GRID1: variants seen among roughly 807,000 people sequenced by gnomAD.
GRID1 encodes glutamate ionotropic receptor delta type subunit 1, also known as glutamate receptor ionotropic, delta-1.
In GRID1, 28 loss-of-function variants were observed where a neutral mutation model predicts 98.0. The ratio of observed to expected loss-of-function variants is 0.29; its 90% CI spans 0.21 to 0.39. The LOEUF (loss-of-function observed/expected upper bound fraction) is 0.39. GRID1 is among the 10% of genes least tolerant of loss of function. The probability of loss-of-function intolerance (pLI) is 1.00; values close to 1 mark genes in which losing one functional copy is unlikely to be tolerated. For synonymous variants in GRID1, 553 were observed against 538.5 expected, an observed-to-expected ratio of 1.03 and a Z score of -0.37; for missense variants, 1,111 against 1,340.5, an observed-to-expected ratio of 0.83 and a Z score of 2.67.
chr10:86,320,559 G>T (rs746038), intron 2 of GRID1, among the ~76,000 whole-genome samples: 25,669 of 152,082 alleles, frequency 0.17, 2,263 homozygotes, highest in South Asian at 0.24. Flanking sequence ...ACTGTTTAAG[G>T]GCTATAGTAT....
chr10:85,657,582 T>G (rs1368778777), intron 12 of GRID1, among the ~76,000 whole-genome samples: 3 of 152,230 alleles, frequency 2.0e-5, no homozygotes, highest in African/African-American at 7.2e-5. Context: ...GGTTGACTAG[T>G]CTCCCTTCAG....
At chr10:86,042,263 C>G (rs1368151210) in intron 4 of GRID1, among the ~76,000 whole-genome samples, 1 of 152,222 alleles carries the variant, frequency 6.6e-6, no homozygotes, top group Non-Finnish European at 1.5e-5. Context: ...TGGGGTCTCT[C>G]CTCAGCTGAG....
At chr10:85,832,590 A>G (rs1263252239) in intron 8 of GRID1, among the ~76,000 whole-genome samples, 1 of 152,186 alleles carries the variant, frequency 6.6e-6, no homozygotes, top group Admixed American at 6.5e-5. Flanking sequence ...TGCTATGTAC[A>G]ACTACAAACA....
chr10:86,156,598 A>G (rs35174968), intron 3 of GRID1, among the ~76,000 whole-genome samples: 26,392 of 152,192 alleles, frequency 0.17, 3,472 homozygotes, highest in African/African-American at 0.36. Context: ...TGGCCCTGGC[A>G]CTTTAACTAA....
intron 4 of GRID1, among the ~76,000 whole-genome samples, chr10:86,018,135 G>C (rs1409009901): frequency 6.6e-6 from 1 of 152,202 alleles, no homozygotes; most frequent in East Asian, 1.9e-4. Flanking sequence ...CATCCAACAG[G>C]GCAGTCTGCT....
chr10:85,770,985 C>T (rs1446844939), intron 8 of GRID1, among the ~76,000 whole-genome samples: 1 of 152,188 alleles, frequency 6.6e-6, no homozygotes, highest in African/African-American at 2.4e-5. Flanking sequence ...CACAAAGATA[C>T]TCCTCGAGAA....
rs138446480 is a variant in GRID1 at position 86,161,877 on chromosome 10, T to C, written c.521-22853A>G. Among the ~76,000 whole-genome samples, 351 of 152,188 alleles carry C rather than the reference T, an allele frequency of 2.3e-3. 2 individuals are homozygous for C. The highest frequency in any genetic ancestry group is 7.9e-3 in the African/African-American group (328 of 41,532). ...AAACCAAGAGGAAATCAAACAAAAA[T>C]TACATCCAGCTTCTCCCTGCTAAAA... On this transcript the variant is annotated intron_variant, in intron 3 of 15. Transcript: ENST00000327946.
intron 4 of GRID1, among the ~76,000 whole-genome samples, chr10:86,086,139 T>G (rs762030586): frequency 2.6e-5 from 4 of 152,086 alleles, no homozygotes; most frequent in Non-Finnish European, 4.4e-5. Context: ...CCTGACCACC[T>G]AGCTATTCTC....
At chr10:85,918,817 G>A (rs541903579) in intron 4 of GRID1, among the ~76,000 whole-genome samples, 1 of 152,340 alleles carries the variant, frequency 6.6e-6, no homozygotes, top group Admixed American at 6.5e-5. Context: ...AGCAGAAGGT[G>A]AGCAGTGCTC....
At chr10:86,222,891 G>A (rs947524341) in intron 2 of GRID1, among the ~76,000 whole-genome samples, 1 of 152,112 alleles carries the variant, frequency 6.6e-6, no homozygotes, top group Non-Finnish European at 1.5e-5. Context: ...GGAGTGTCAG[G>A]TGCACACCCA....
intron 3 of GRID1, among the ~76,000 whole-genome samples, chr10:86,204,096 TG>T (rs1845991547): frequency 6.6e-6 from 1 of 152,152 alleles, no homozygotes; most frequent in African/African-American, 2.4e-5. Context: ...TTGGAGATTC[TG>T]GGTGGAGGAA....
intron 4 of GRID1, among the ~76,000 whole-genome samples, chr10:86,087,342 TG>T (rs1203112260): frequency 1.7e-4 from 10 of 58,272 alleles, no homozygotes; most frequent in African/African-American, 1.6e-3. Context: ...TGAGTGTGTT[TG>T]TGTGTGTGTG....
chr10:85,702,313 G>T (rs1454129029), intron 12 of GRID1, among the ~76,000 whole-genome samples: 1 of 151,862 alleles, frequency 6.6e-6, no homozygotes, highest in African/African-American at 2.4e-5. Flanking sequence ...ATTGCTAAAA[G>T]GCATGTGAAA....
At chr10:86,197,207 T>C (rs1483384809) in intron 3 of GRID1, among the ~76,000 whole-genome samples, 2 of 151,634 alleles carry the variant, frequency 1.3e-5, no homozygotes, top group African/African-American at 4.8e-5. Flanking sequence ...ACGGGACAGA[T>C]GGAATTGAAG....
chr10:85,690,908 T>C (rs1841324166), intron 12 of GRID1, among the ~76,000 whole-genome samples: 1 of 152,084 alleles, frequency 6.6e-6, no homozygotes, highest in Non-Finnish European at 1.5e-5. Flanking sequence ...TCCAGAGTCT[T>C]GGAATAGTTT....
chr10:85,724,343 G>A lies in GRID1; in HGVS notation c.1858+9C>T. 6.2e-7 allele frequency: 1 copy of A among 1,604,944 alleles called. No homozygotes were observed. The highest frequency in any genetic ancestry group is 8.5e-7 in the Non-Finnish European group (1 of 1,172,722). On this transcript the variant is annotated intron_variant, in intron 11 of 15. Coordinates refer to ENST00000327946, the MANE Select transcript of GRID1 (RefSeq NM_017551.3). ...GAGCTATTCAATGATCAGGAAACCA[G>A]AAAGGTACCTTGCTGTACGAAGGCT...
intron 13 of GRID1, among the ~76,000 whole-genome samples, chr10:85,634,291 T>TCTCTCTCTCTCTCTCTCTCTCA (rs1162030685): frequency 4.2e-4 from 43 of 102,974 alleles, no homozygotes; most frequent in Non-Finnish European, 6.3e-4. Flanking sequence ...TCTCTCTCTC[T>TCTCTCTCTCTCTCTCTCTCTCA]CACACACACA....
intron 4 of GRID1, among the ~76,000 whole-genome samples, chr10:85,975,630 T>C (rs114953071): frequency 0.011 from 1,675 of 148,984 alleles, 35 homozygotes; most frequent in African/African-American, 0.039. Flanking sequence ...CAGTCTATAG[T>C]AAGCTACCCC....
intron 8 of GRID1, among the ~76,000 whole-genome samples, chr10:85,847,762 A>AAAC (rs1843020490): frequency 6.6e-6 from 1 of 152,206 alleles, no homozygotes; most frequent in South Asian, 2.1e-4. Context: ...AAGTATGAGT[A>AAAC]AACAGTATCT....
Sources: gnomAD v4.1 joint callset for allele counts (sites outside exome capture counted in the v4.1 genomes callset) on GRCh38, gnomAD v4.1.1 for gene constraint, MANE v1.5 for transcripts, NCBI Gene and HGNC (gene_info 2026-07-23, HGNC 2026-07-21) for gene names.